Variants in BMPER observed in about 807,000 individuals in gnomAD.
The protein encoded by BMPER is BMP binding endothelial regulator.
Under a neutral mutation model 87.3 loss-of-function variants are expected in BMPER, and 45 were observed. The observed-to-expected ratio is 0.52, with a 90% CI of 0.41 to 0.66. The LOEUF (loss-of-function observed/expected upper bound fraction) is 0.66. Among genes scored for constraint, BMPER ranks in the 30% least tolerant of loss-of-function variants. The pLI is 0.00. For synonymous variants in BMPER, 326 were observed against 316.2 expected (o/e 1.03, Z -0.33); for missense variants, 784 against 867.5 (o/e 0.90, Z 1.21).
intron 6 of BMPER, among the ~76,000 whole-genome samples, chr7:34,002,997 G>T (rs1456906471): frequency 6.6e-6 from 1 of 151,330 alleles, no homozygotes; most frequent in African/African-American, 2.4e-5. Flanking sequence ...GGAATATTTG[G>T]CCCATTTCCA....
At chr7:34,011,745 GA>G (rs1210570138) in intron 6 of BMPER, among the ~76,000 whole-genome samples, 2 of 151,900 alleles carry the variant, frequency 1.3e-5, no homozygotes, top group East Asian at 3.9e-4. Context: ...ACTTTGCTAG[GA>G]TGTTTACATT....
At chr7:33,970,202 C>A in intron 4 of BMPER, 127 bp from the exon 5 acceptor site, 2 of 867,510 alleles carry the variant, frequency 2.3e-6, no homozygotes, top group Non-Finnish European at 3.9e-6. Context: ...TCATACCTCT[C>A]GCCCTGACAC....
intron 13 of BMPER, among the ~76,000 whole-genome samples, chr7:34,135,317 A>G (rs370922447): frequency 3.3e-5 from 5 of 152,278 alleles, no homozygotes; most frequent in South Asian, 2.1e-4. Context: ...AGGCAGGAAG[A>G]TGAAAATACA....
intron 2 of BMPER, among the ~76,000 whole-genome samples, chr7:33,930,097 A>G (rs1784446977): frequency 6.6e-6 from 1 of 152,218 alleles, no homozygotes; most frequent in East Asian, 1.9e-4. Context: ...CAGTTGGGAA[A>G]GAGGTCTTGG....
intron 2 of BMPER, among the ~76,000 whole-genome samples, chr7:33,920,418 GTGTTT>G (rs1168930612): frequency 1.0e-5 from 1 of 99,940 alleles, no homozygotes; most frequent in African/African-American, 4.2e-5. Flanking sequence ...AAACTCCGTT[GTGTTT>G]TTTTTTTTTT....
chr7:33,905,777 C>A, intron 1 of BMPER, 31 bp downstream of exon 1: 1 of 1,495,294 alleles, frequency 6.7e-7, no homozygotes, highest in Non-Finnish European at 9.1e-7. Context: ...GACCGGCCCT[C>A]CGGGACGCCG....
At chr7:33,907,479 C>T (rs1285832639) in intron 2 of BMPER, among the ~76,000 whole-genome samples, 1 of 152,112 alleles carries the variant, frequency 6.6e-6, no homozygotes, top group Non-Finnish European at 1.5e-5. Flanking sequence ...ACAATTCCAT[C>T]CTTAATAGAG....
At chr7:34,090,768 G>A (rs1789357945) in intron 13 of BMPER, among the ~76,000 whole-genome samples, 1 of 152,212 alleles carries the variant, frequency 6.6e-6, no homozygotes, top group South Asian at 2.1e-4. Context: ...TTTCAGAGAA[G>A]TCAGAAAAAT....
intron 2 of BMPER, among the ~76,000 whole-genome samples, chr7:33,925,004 C>G (rs1412089481): frequency 1.3e-5 from 2 of 152,168 alleles, no homozygotes; most frequent in African/African-American, 4.8e-5. Context: ...AGCCTCACAC[C>G]TTGTTATTCT....
intron 14 of BMPER, among the ~76,000 whole-genome samples, chr7:34,144,503 G>A (rs1790968259): frequency 6.6e-6 from 1 of 151,426 alleles, no homozygotes; most frequent in South Asian, 2.1e-4. Flanking sequence ...TAGGCAGGAA[G>A]CTATTGTGAT....
intron 13 of BMPER, among the ~76,000 whole-genome samples, chr7:34,101,924 C>G (rs1031812441): frequency 2.6e-5 from 4 of 152,208 alleles, no homozygotes; most frequent in Non-Finnish European, 4.4e-5. Context: ...TCCCTTGTTT[C>G]CTATTTGGCT....
At chr7:33,988,304 G>A (rs1000627321) in intron 6 of BMPER, among the ~76,000 whole-genome samples, 1 of 152,152 alleles carries the variant, frequency 6.6e-6, no homozygotes, top group East Asian at 1.9e-4. Flanking sequence ...TTCAACAACA[G>A]GAGAGGGAGG....
At chr7:33,996,280 T>C (rs930244970) in intron 6 of BMPER, among the ~76,000 whole-genome samples, 1 of 152,184 alleles carries the variant, frequency 6.6e-6, no homozygotes, top group African/African-American at 2.4e-5. Flanking sequence ...GAATAATACA[T>C]GCTGTGCCTG....
intron 4 of BMPER, among the ~76,000 whole-genome samples, chr7:33,968,357 C>G (rs1202454302): frequency 6.6e-6 from 1 of 152,170 alleles, no homozygotes; most frequent in Non-Finnish European, 1.5e-5. Context: ...TTGCTTCCTT[C>G]TTTAGGTATG....
chr7:34,000,292 GAAA>G (rs1365146879), intron 6 of BMPER, among the ~76,000 whole-genome samples: 2 of 151,864 alleles, frequency 1.3e-5, no homozygotes, highest in African/African-American at 4.8e-5. Flanking sequence ...TGTTATAAAA[GAAA>G]AAAAGAAATT....
At chr7:34,011,991 A>G (rs1786895305) in intron 6 of BMPER, among the ~76,000 whole-genome samples, 1 of 151,940 alleles carries the variant, frequency 6.6e-6, no homozygotes, top group Non-Finnish European at 1.5e-5. Flanking sequence ...AAGCCTCAAA[A>G]TAGCAACAAT....
chr7:34,147,775 G>GT (rs1321848606), intron 14 of BMPER, among the ~76,000 whole-genome samples: 18 of 152,082 alleles, frequency 1.2e-4, no homozygotes, highest in African/African-American at 2.4e-4. Flanking sequence ...TGGCCATGTT[G>GT]TTTTTTAACT....
intron 13 of BMPER, among the ~76,000 whole-genome samples, chr7:34,112,775 C>G (rs2127986658): frequency 6.6e-6 from 1 of 151,288 alleles, no homozygotes; most frequent in Non-Finnish European, 1.5e-5. Flanking sequence ...TATTAAATAC[C>G]TATTAGAACT....
rs911104003 is a variant in BMPER at position 34,141,647 on chromosome 7, T to G, written c.1746-1583T>G. On this transcript the variant is annotated intron_variant, in intron 13 of 14. Transcript: ENST00000649409. ...AAAAAAAAAAAAAGTACAACCATGA[T>G]TACTACAAAGAAAGAAAGATCTCTT... 7.6e-4 allele frequency among the ~76,000 whole-genome samples: 113 copies of G among 149,476 alleles called. 1 individual carries two copies. Among genetic ancestry groups the G allele is most frequent in the Non-Finnish European group, 5.8e-4 (39 of 67,394 alleles).
Sources: gnomAD v4.1 joint callset for allele counts (sites outside exome capture counted in the v4.1 genomes callset) on GRCh38, gnomAD v4.1.1 for gene constraint, MANE v1.5 for transcripts, NCBI Gene and HGNC (gene_info 2026-07-23, HGNC 2026-07-21) for gene names.